Variants in CCSER1 observed in about 807,000 individuals in gnomAD.
The protein encoded by CCSER1 is coiled-coil serine rich protein 1, also known as serine-rich coiled-coil domain-containing protein 1.
Under a neutral mutation model 82.0 loss-of-function variants are expected in CCSER1, and 41 were observed. That is an observed-to-expected ratio of 0.50 (90% confidence interval 0.39 to 0.65). The LOEUF (loss-of-function observed/expected upper bound fraction) is 0.65. Ranked by LOEUF, CCSER1 falls within the 30% of genes least tolerant of loss-of-function variation. The pLI is 0.00. For missense variants in CCSER1, 1,119 were observed against 1,064.2 expected (o/e 1.05, Z -0.72); for synonymous variants, 414 against 383.9 (o/e 1.08, Z -0.92).
chr4:90,130,404 G>A (rs949005157), intron 1 of CCSER1, among the ~76,000 whole-genome samples: 1 of 152,106 alleles, frequency 6.6e-6, no homozygotes, highest in Non-Finnish European at 1.5e-5. Flanking sequence ...CTTCGGGGGT[G>A]GGTAAGACTT....
chr4:91,393,629 T>C (rs778244484), intron 10 of CCSER1, among the ~76,000 whole-genome samples: 53 of 152,118 alleles, frequency 3.5e-4, no homozygotes, highest in Non-Finnish European at 5.1e-4. Flanking sequence ...GAGTGTGCTC[T>C]TGTAAACACC....
intron 9 of CCSER1, among the ~76,000 whole-genome samples, chr4:90,926,969 G>A (rs1207472474): frequency 1.3e-5 from 2 of 151,938 alleles, no homozygotes; most frequent in Non-Finnish European, 2.9e-5. Flanking sequence ...ATAAACAGAT[G>A]TTTCAATGTA....
intron 10 of CCSER1, among the ~76,000 whole-genome samples, chr4:91,484,780 G>T (rs1202488504): frequency 1.3e-5 from 2 of 152,052 alleles, no homozygotes; most frequent in Non-Finnish European, 2.9e-5. Flanking sequence ...GCCCCACACA[G>T]GAACCACTGA....
intron 8 of CCSER1, among the ~76,000 whole-genome samples, chr4:90,835,203 C>T (rs1304358438): frequency 2.6e-5 from 4 of 151,968 alleles, no homozygotes; most frequent in South Asian, 4.2e-4. Context: ...TGGTGGTGGA[C>T]GCCTGTAGTC....
chr4:90,159,009 C>T (rs777065121), intron 1 of CCSER1, among the ~76,000 whole-genome samples: 73 of 152,172 alleles, frequency 4.8e-4, no homozygotes, highest in Non-Finnish European at 8.4e-4. Context: ...TGTTCCTATT[C>T]GGCCATCTTG....
At chr4:90,683,736 A>G (rs918732338) in intron 6 of CCSER1, among the ~76,000 whole-genome samples, 2 of 152,084 alleles carry the variant, frequency 1.3e-5, no homozygotes, top group Non-Finnish European at 2.9e-5. Context: ...ACCTATTTAA[A>G]TCAAGAAAAG....
At chr4:91,385,422 C>T (rs376566646) in intron 10 of CCSER1, among the ~76,000 whole-genome samples, 2 of 152,084 alleles carry the variant, frequency 1.3e-5, no homozygotes, top group South Asian at 2.1e-4. Context: ...TAAGCTGGTA[C>T]ACATAGATGC....
chr4:91,096,124 C>T (rs551761794), intron 10 of CCSER1, among the ~76,000 whole-genome samples: 1 of 152,312 alleles, frequency 6.6e-6, no homozygotes, highest in East Asian at 1.9e-4. Context: ...AAAAAGCACA[C>T]CTTTCCACTG....
chr4:90,319,882 A>G (rs911523457), intron 3 of CCSER1, among the ~76,000 whole-genome samples: 1 of 152,212 alleles, frequency 6.6e-6, no homozygotes, highest in Admixed American at 6.5e-5. Flanking sequence ...ATGGAGCCAT[A>G]TGAATCATTC....
chr4:91,154,662 A>T (rs1056881043), intron 10 of CCSER1, among the ~76,000 whole-genome samples: 1 of 152,024 alleles, frequency 6.6e-6, no homozygotes, highest in Non-Finnish European at 1.5e-5. Context: ...GCCATCTTGG[A>T]ACCTTTTTCC....
At chr4:91,463,763 G>A (rs1251174644) in intron 10 of CCSER1, among the ~76,000 whole-genome samples, 1 of 152,132 alleles carries the variant, frequency 6.6e-6, no homozygotes, top group African/African-American at 2.4e-5. Flanking sequence ...AGTGATTGAA[G>A]ATCAAATGAA....
chr4:91,487,753 A>C (rs1758297666), intron 10 of CCSER1, among the ~76,000 whole-genome samples: 1 of 152,032 alleles, frequency 6.6e-6, no homozygotes, highest in South Asian at 2.1e-4. Flanking sequence ...TATCTGGTAC[A>C]GTATAAATTC....
intron 7 of CCSER1, among the ~76,000 whole-genome samples, chr4:90,750,816 G>A (rs1748498146): frequency 6.6e-6 from 1 of 152,086 alleles, no homozygotes; most frequent in Non-Finnish European, 1.5e-5. Context: ...CCAAATTGCA[G>A]TTAGCATTAT....
chr4:90,279,236 G>A (rs974931638), intron 1 of CCSER1, among the ~76,000 whole-genome samples: 11 of 151,710 alleles, frequency 7.3e-5, no homozygotes, highest in Admixed American at 5.3e-4. Context: ...ACAGATATAC[G>A]GACACTTGTA....
At chr4:90,301,662 C>G (rs1733149947) in intron 1 of CCSER1, among the ~76,000 whole-genome samples, 1 of 151,884 alleles carries the variant, frequency 6.6e-6, no homozygotes, top group Admixed American at 6.6e-5. Flanking sequence ...ATGGATAGGT[C>G]TAGTTCAACC....
At chr4:90,284,883 A>T (rs1240771260) in intron 1 of CCSER1, among the ~76,000 whole-genome samples, 2 of 152,036 alleles carry the variant, frequency 1.3e-5, no homozygotes, top group Admixed American at 6.6e-5. Context: ...CATTTATTGA[A>T]GAGACAGACT....
At chr4:90,727,230 A>T (rs139716746) in intron 7 of CCSER1, 1 of 456,000 alleles carries the variant, frequency 2.2e-6, no homozygotes, top group Non-Finnish European at 4.4e-6. Context: ...TCAACTGTAC[A>T]CACATATGGT....
intron 8 of CCSER1, among the ~76,000 whole-genome samples, chr4:90,886,564 T>C (rs1270788956): frequency 1.3e-5 from 2 of 152,192 alleles, no homozygotes; most frequent in African/African-American, 2.4e-5. Context: ...TTGTAAACTC[T>C]AAGATAGGTA....
Position 90,628,235 on chromosome 4 carries a change from A to T in CCSER1, c.1932+3A>T, listed in dbSNP as rs2148914753. 1 of 1,609,908 alleles carries T rather than the reference A, an allele frequency of 6.2e-7. No homozygotes were observed. The highest frequency in any genetic ancestry group is 1.1e-5 in the South Asian group (1 of 90,916). ...AGATGAAGAGAGTTCTTCAAGAGGT[A>T]ATGGTTTCCTCTAAGATTAATGTCC... On this transcript the variant is annotated splice_donor_region_variant and intron_variant, in intron 6 of 10. Transcript: ENST00000509176.
Sources: gnomAD v4.1 joint callset for allele counts (sites outside exome capture counted in the v4.1 genomes callset) on GRCh38, gnomAD v4.1.1 for gene constraint, MANE v1.5 for transcripts, NCBI Gene and HGNC (gene_info 2026-07-23, HGNC 2026-07-21) for gene names.